Variants in SLC2A13 observed in about 807,000 individuals in gnomAD.
SLC2A13 encodes solute carrier family 2 member 13.
Under a neutral mutation model 64.4 loss-of-function variants are expected in SLC2A13, and 32 were observed. The ratio of observed to expected loss-of-function variants is 0.50; its 90% CI spans 0.37 to 0.67. The LOEUF (loss-of-function observed/expected upper bound fraction) is 0.67, where lower values mean the gene tolerates loss of function less well. Ranked by LOEUF, SLC2A13 falls within the 30% of genes least tolerant of loss-of-function variation. The pLI, the probability that SLC2A13 is intolerant of heterozygous loss-of-function variation, is 0.00. For synonymous variants in SLC2A13, 338 were observed against 327.1 expected, an observed-to-expected ratio of 1.03 and a Z score of -0.36; for missense variants, 743 against 829.2, an observed-to-expected ratio of 0.90 and a Z score of 1.28.
At chr12:40,003,972 A>G (rs1309844829) in intron 3 of SLC2A13, among the ~76,000 whole-genome samples, 1 of 151,798 alleles carries the variant, frequency 6.6e-6, no homozygotes, top group African/African-American at 2.4e-5. Flanking sequence ...CAGCCTGGGC[A>G]ATGAGAGCAA....
chr12:39,911,706 A>T (rs1280177686), intron 4 of SLC2A13, among the ~76,000 whole-genome samples: 1 of 152,080 alleles, frequency 6.6e-6, no homozygotes, highest in Non-Finnish European at 1.5e-5. Flanking sequence ...GGCTCTGAGA[A>T]GTTTCTGAGT....
At chr12:39,954,842 G>A (rs557973188) in intron 3 of SLC2A13, among the ~76,000 whole-genome samples, 38 of 152,270 alleles carry the variant, frequency 2.5e-4, no homozygotes, top group Non-Finnish European at 3.8e-4. Context: ...CTTACTGAGA[G>A]CTTCAAAATA....
intron 7 of SLC2A13, among the ~76,000 whole-genome samples, chr12:39,806,341 A>G (rs1941978721): frequency 6.6e-6 from 1 of 152,228 alleles, no homozygotes; most frequent in African/African-American, 2.4e-5. Flanking sequence ...TAACAGGAAT[A>G]TCTAACTGAC....
At chr12:39,794,927 CT>C (rs1431164130) in intron 7 of SLC2A13, among the ~76,000 whole-genome samples, 1 of 152,094 alleles carries the variant, frequency 6.6e-6, no homozygotes, top group Admixed American at 6.6e-5. Flanking sequence ...AAGATGATTT[CT>C]TTTTCCACCC....
At chr12:39,922,050 AT>A (rs1379600051) in intron 4 of SLC2A13, among the ~76,000 whole-genome samples, 5 of 152,136 alleles carry the variant, frequency 3.3e-5, no homozygotes, top group African/African-American at 1.2e-4. Flanking sequence ...AATGTTTCAA[AT>A]TTATGCGATT....
At chr12:39,866,532 G>A (rs1943915410) in intron 5 of SLC2A13, among the ~76,000 whole-genome samples, 1 of 151,954 alleles carries the variant, frequency 6.6e-6, no homozygotes, top group Admixed American at 6.6e-5. Context: ...TGGTTGGAGT[G>A]CAGTGGCGCG....
intron 3 of SLC2A13, among the ~76,000 whole-genome samples, chr12:39,988,760 C>A (rs1272399608): frequency 1.3e-5 from 2 of 151,712 alleles, no homozygotes; most frequent in Non-Finnish European, 2.9e-5. Flanking sequence ...AAAGAGGAAA[C>A]CAAGTTGTTA....
intron 6 of SLC2A13, among the ~76,000 whole-genome samples, chr12:39,833,075 T>C (rs1223449821): frequency 6.6e-6 from 1 of 152,126 alleles, no homozygotes; most frequent in Non-Finnish European, 1.5e-5. Context: ...GAAATTATTA[T>C]CATCTATGAC....
chr12:39,924,887 G>A (rs1020035883), intron 4 of SLC2A13, among the ~76,000 whole-genome samples: 2 of 151,708 alleles, frequency 1.3e-5, no homozygotes, highest in African/African-American at 4.8e-5. Context: ...CTTTGTCTAT[G>A]TAATACATTG....
chr12:39,866,759 G>A (rs1390053332), intron 5 of SLC2A13, among the ~76,000 whole-genome samples: 1 of 152,172 alleles, frequency 6.6e-6, no homozygotes, highest in Non-Finnish European at 1.5e-5. Context: ...GATTACAGGC[G>A]TGAGCCACAG....
intron 1 of SLC2A13, among the ~76,000 whole-genome samples, chr12:40,074,777 C>T (rs953065387): frequency 1.3e-5 from 2 of 152,092 alleles, no homozygotes; most frequent in East Asian, 3.9e-4. Flanking sequence ...GATATAAATA[C>T]ATTGTCAGTA....
At chr12:39,977,197 G>A (rs1478628774) in intron 3 of SLC2A13, among the ~76,000 whole-genome samples, 1 of 152,184 alleles carries the variant, frequency 6.6e-6, no homozygotes, top group African/African-American at 2.4e-5. Context: ...GAGGTTTGTA[G>A]TATTAATCCC....
At chr12:39,805,104 C>A (rs545042979) in intron 7 of SLC2A13, among the ~76,000 whole-genome samples, 4 of 150,892 alleles carry the variant, frequency 2.7e-5, no homozygotes, top group Non-Finnish European at 5.9e-5. Flanking sequence ...TCATCAGTGA[C>A]GACAATGGAG....
At chr12:39,969,536 T>C (rs920082274) in intron 3 of SLC2A13, among the ~76,000 whole-genome samples, 3 of 152,254 alleles carry the variant, frequency 2.0e-5, no homozygotes, top group Non-Finnish European at 2.9e-5. Context: ...TGATTTGCAT[T>C]TCTCTGATGG....
At chr12:40,061,367 AAAAC>A (rs767860006) in intron 1 of SLC2A13, among the ~76,000 whole-genome samples, 12 of 152,178 alleles carry the variant, frequency 7.9e-5, no homozygotes, top group Non-Finnish European at 1.8e-4. Context: ...AAAAGGATAA[AAAAC>A]AAACAGAGAA....
chr12:39,914,699 GTA>G (rs1945493946), intron 4 of SLC2A13, among the ~76,000 whole-genome samples: 1 of 151,726 alleles, frequency 6.6e-6, no homozygotes, highest in African/African-American at 2.4e-5. Flanking sequence ...GATACATTTG[GTA>G]TATCAAACCA....
At chr12:39,982,392 T>A (rs1946924512) in intron 3 of SLC2A13, among the ~76,000 whole-genome samples, 1 of 143,238 alleles carries the variant, frequency 7.0e-6, no homozygotes, top group South Asian at 2.3e-4. Flanking sequence ...AAATTGTCCC[T>A]GTTTGCAGAC....
chr12:39,842,479 ACT>A (rs1263303070), intron 6 of SLC2A13, among the ~76,000 whole-genome samples: 2 of 152,060 alleles, frequency 1.3e-5, no homozygotes, highest in African/African-American at 4.8e-5. Flanking sequence ...AACATGTGAC[ACT>A]CTGATAGATT....
At chr12:39,907,954 T>C (rs1256047846) in intron 4 of SLC2A13, 1 of 151,264 alleles carries the variant, frequency 6.6e-6, no homozygotes, top group East Asian at 1.9e-4. Context: ...CCTCCAAAAG[T>C]TTCAGTCTAT....
Sources: allele counts gnomAD v4.1 joint callset (sites outside exome capture counted in the v4.1 genomes callset), GRCh38; gene constraint gnomAD v4.1.1; transcripts MANE v1.5; gene names NCBI Gene and HGNC (gene_info 2026-07-23, HGNC 2026-07-21).